The following CEP83 variants were observed in gnomAD, a reference collection of about 807,000 sequenced individuals.
CEP83 encodes centrosomal protein 83.
CEP83 carries 70 observed loss-of-function variants against 101.9 expected under a neutral mutation model. The observed-to-expected ratio is 0.69, with a 90% CI of 0.57 to 0.84. The LOEUF is 0.84. CEP83 is among the 40% of genes least tolerant of loss of function. The pLI is 0.00. For synonymous variants in CEP83, 264 were observed against 267.9 expected (o/e 0.99, Z 0.14); for missense variants, 715 against 787.2 (o/e 0.91, Z 1.10).
At chr12:94,373,601 G>A (rs190286113) in intron 8 of CEP83, among the ~76,000 whole-genome samples, 1 of 152,012 alleles carries the variant, frequency 6.6e-6, no homozygotes, top group Admixed American at 6.6e-5. Context: ...CCTTTTATTG[G>A]CATTCTGAAA....
At chr12:94,331,367 T>TC (rs2059209605) in intron 14 of CEP83, among the ~76,000 whole-genome samples, 1 of 119,200 alleles carries the variant, frequency 8.4e-6, no homozygotes, top group African/African-American at 3.2e-5. Flanking sequence ...CTTTTTTTTT[T>TC]TTTTTTTTTT....
the CEP83 span, among the ~76,000 whole-genome samples, chr12:94,271,943 T>G: frequency 6.6e-6 from 1 of 152,294 alleles, no homozygotes; most frequent in East Asian, 1.9e-4. Context: ...TTAAAAATGT[T>G]ACATATGACC....
chr12:94,311,563 G>C (rs532650436), intron 15 of CEP83, among the ~76,000 whole-genome samples: 10 of 152,252 alleles, frequency 6.6e-5, no homozygotes, highest in African/African-American at 2.4e-4. Context: ...AGGACACCTA[G>C]CTCGTGTCCA....
intron 6 of CEP83, among the ~76,000 whole-genome samples, chr12:94,390,333 G>C (rs868007661): frequency 1.2e-4 from 18 of 152,318 alleles, no homozygotes; most frequent in Middle Eastern, 3.4e-3. Context: ...CAGGCAAACA[G>C]GGTCTGGAGT....
chr12:94,380,099 A>G (rs899470204), intron 6 of CEP83, among the ~76,000 whole-genome samples: 2 of 149,596 alleles, frequency 1.3e-5, no homozygotes, highest in Non-Finnish European at 3.0e-5. Flanking sequence ...AACAAAAAAC[A>G]AAAACAGAAA....
At chr12:94,343,496 T>C (rs2059791805) in intron 11 of CEP83, among the ~76,000 whole-genome samples, 1 of 111,622 alleles carries the variant, frequency 9.0e-6, no homozygotes, top group Admixed American at 9.6e-5. Flanking sequence ...TTTTTTTTTT[T>C]TTTTGAGACG....
chr12:94,390,924 A>C (rs1031353917), intron 6 of CEP83, among the ~76,000 whole-genome samples: 18 of 152,336 alleles, frequency 1.2e-4, no homozygotes, highest in Admixed American at 8.5e-4. Flanking sequence ...ACAAAGTTAG[A>C]GAAAAAAGAG....
chr12:94,380,071 C>CAAAAAA (rs11362391), intron 6 of CEP83, among the ~76,000 whole-genome samples: 269 of 82,404 alleles, frequency 3.3e-3, no homozygotes, highest in East Asian at 4.7e-3. Context: ...CCCGGCCCTG[C>CAAAAAA]AAAAAAAAAA....
intron 6 of CEP83, among the ~76,000 whole-genome samples, chr12:94,400,594 T>C (rs1162876426): frequency 6.6e-6 from 1 of 151,994 alleles, no homozygotes; most frequent in African/African-American, 2.4e-5. Context: ...CTTTGTACAA[T>C]GAAACTCCCC....
At chr12:94,289,306 C>T in the CEP83 span, among the ~76,000 whole-genome samples, 1 of 152,192 alleles carries the variant, frequency 6.6e-6, no homozygotes, top group Non-Finnish European at 1.5e-5. Context: ...TCATCTCTGC[C>T]ACTTCTAACG....
intron 11 of CEP83, among the ~76,000 whole-genome samples, chr12:94,364,704 GA>G (rs2060936650): frequency 6.6e-6 from 1 of 152,080 alleles, no homozygotes; most frequent in Admixed American, 6.6e-5. Flanking sequence ...AAACAGAATA[GA>G]AAGTCCAGAA....
intron 11 of CEP83, among the ~76,000 whole-genome samples, chr12:94,346,613 T>C (rs888409818): frequency 2.0e-5 from 3 of 152,172 alleles, no homozygotes; most frequent in African/African-American, 4.8e-5. Context: ...GACTGGTGTC[T>C]GAAATGGTGG....
chr12:94,450,282 C>A (rs1013039266), intron 1 of CEP83, among the ~76,000 whole-genome samples: 1 of 152,062 alleles, frequency 6.6e-6, no homozygotes, highest in Non-Finnish European at 1.5e-5. Flanking sequence ...GACAGATTCT[C>A]GCTCTGTCTT....
rs141651573 is a variant in CEP83 at position 94,407,749 on chromosome 12, C to T, written c.324+3948G>A. Among the ~76,000 whole-genome samples, 401 of 152,252 alleles carry T rather than the reference C, an allele frequency of 2.6e-3. 2 individuals carry two copies. The highest frequency in any genetic ancestry group is 0.014 in the Admixed American group (219 of 15,288). ...CCAAAGCACACATAAACCAAGACAC[C>T]GACTGAATTAGAGGATTTTTCCCAT... On this transcript the variant is annotated intron_variant, in intron 4 of 16. Coordinates refer to ENST00000397809, the MANE Select transcript of CEP83 (RefSeq NM_016122.3).
At chr12:94,311,587 T>A (rs1969871796) in intron 15 of CEP83, among the ~76,000 whole-genome samples, 1 of 152,162 alleles carries the variant, frequency 6.6e-6, no homozygotes, top group Non-Finnish European at 1.5e-5. Flanking sequence ...GAAAACTGAT[T>A]ACTCCATGTA....
chr12:94,371,285 A>G (rs1226460641), intron 8 of CEP83, among the ~76,000 whole-genome samples: 1 of 152,162 alleles, frequency 6.6e-6, no homozygotes, highest in East Asian at 1.9e-4. Flanking sequence ...AAATCAATTA[A>G]GAGGCAAGAA....
At chr12:94,370,270 G>T (rs2061237950) in intron 8 of CEP83, among the ~76,000 whole-genome samples, 1 of 152,164 alleles carries the variant, frequency 6.6e-6, no homozygotes. Flanking sequence ...TCTGTGTATG[G>T]TCCTTTGGCT....
chr12:94,386,411 C>T (rs1437537699), intron 6 of CEP83, among the ~76,000 whole-genome samples: 2 of 152,196 alleles, frequency 1.3e-5, no homozygotes, highest in African/African-American at 4.8e-5. Context: ...TGCAAAGTTA[C>T]CCTCTGCAGA....
At chr12:94,333,872 T>C (rs2059344558) in intron 12 of CEP83, among the ~76,000 whole-genome samples, 1 of 152,052 alleles carries the variant, frequency 6.6e-6, no homozygotes, top group African/African-American at 2.4e-5. Context: ...TCCCTCTTCT[T>C]TCCAAAATAT....
Sources: allele counts gnomAD v4.1 joint callset (sites outside exome capture counted in the v4.1 genomes callset), GRCh38; gene constraint gnomAD v4.1.1; transcripts MANE v1.5; gene names NCBI Gene and HGNC (gene_info 2026-07-23, HGNC 2026-07-21).